PCDH11Y: variants seen among roughly 807,000 people sequenced by gnomAD.
PCDH11Y encodes protocadherin 11 Y-linked, also known as protocadherin-11 Y-linked.
For missense variants in PCDH11Y, 12 were observed against 224.8 expected (o/e 0.05, Z 6.05); for synonymous variants, 9 against 83.6 (o/e 0.11, Z 4.87).
chrY:5,468,656 T>A (rs1602929800), intron 2 of PCDH11Y, among the ~76,000 whole-genome samples: 40 of 26,128 alleles, frequency 1.5e-3, no homozygotes, highest in Admixed American at 6.2e-3. Flanking sequence ...TCACTTTTTT[T>A]AAAAAAAAAA....
intron 4 of PCDH11Y, among the ~76,000 whole-genome samples, chrY:5,587,078 T>C (rs1602947026): frequency 7.9e-4 from 26 of 32,839 alleles, no homozygotes; most frequent in South Asian, 4.0e-3. Flanking sequence ...TAAACTTCCC[T>C]CTAAGTACTG....
At chrY:5,726,334 T>A in intron 4 of PCDH11Y, among the ~76,000 whole-genome samples, 1 of 31,818 alleles carries the variant, frequency 3.1e-5, no homozygotes, top group Non-Finnish European at 7.7e-5. Context: ...ACTGAAGTAC[T>A]GATACATACT....
chrY:5,410,677 C>A, intron 2 of PCDH11Y, among the ~76,000 whole-genome samples: 1 of 25,531 alleles, frequency 3.9e-5, no homozygotes, highest in African/African-American at 1.5e-4. Context: ...TGATCCTGAC[C>A]CTCCCCCGAC....
At chrY:5,344,399 C>G (rs2124669426) in intron 2 of PCDH11Y, among the ~76,000 whole-genome samples, 2 of 32,442 alleles carry the variant, frequency 6.2e-5, no homozygotes, top group South Asian at 1.4e-3. Flanking sequence ...AAACAAGAGG[C>G]TTTTACCCAA....
At chrY:5,373,311 G>A (rs893226654) in intron 2 of PCDH11Y, among the ~76,000 whole-genome samples, 1 of 22,655 alleles carries the variant, frequency 4.4e-5, no homozygotes, top group Non-Finnish European at 9.5e-5. Flanking sequence ...CTCAGCCTCC[G>A]AGTAGCTGGG....
At chrY:5,029,461 T>C (rs2052585153) in intron 1 of PCDH11Y, among the ~76,000 whole-genome samples, 57 of 31,561 alleles carry the variant, frequency 1.8e-3, no homozygotes, top group Non-Finnish European at 2.9e-3. Flanking sequence ...TAAAATTTAT[T>C]TACTCAAACT....
At chrY:5,081,079 A>G in intron 1 of PCDH11Y, among the ~76,000 whole-genome samples, 1 of 30,343 alleles carries the variant, frequency 3.3e-5, no homozygotes, top group Non-Finnish European at 7.8e-5. Context: ...AATTTTCTGC[A>G]TATGGCTAGC....
chrY:5,152,944 T>C (rs2052865289), intron 2 of PCDH11Y, among the ~76,000 whole-genome samples: 1 of 31,855 alleles, frequency 3.1e-5, no homozygotes, highest in Non-Finnish European at 7.7e-5. Context: ...GGTAAGGAAA[T>C]CGAAGCCCAG....
intron 2 of PCDH11Y, among the ~76,000 whole-genome samples, chrY:5,178,722 C>T: frequency 3.1e-5 from 1 of 31,942 alleles, no homozygotes; most frequent in Non-Finnish European, 7.6e-5. Context: ...ATCATCAGAT[C>T]ACCTAGGTAT....
At chrY:5,691,155 T>C (rs2053567340) in intron 4 of PCDH11Y, among the ~76,000 whole-genome samples, 1 of 33,395 alleles carries the variant, frequency 3.0e-5, no homozygotes, top group East Asian at 7.8e-4. Context: ...TCAAACTGTG[T>C]TTGATATGTG....
intron 2 of PCDH11Y, among the ~76,000 whole-genome samples, chrY:5,497,951 C>T (rs2053347369): frequency 6.1e-5 from 2 of 32,878 alleles, no homozygotes; most frequent in Admixed American, 5.7e-4. Context: ...GTGGTGAAAT[C>T]GTAGAGATTC....
intron 2 of PCDH11Y, among the ~76,000 whole-genome samples, chrY:5,343,255 C>CT (rs766252905): frequency 0.045 from 1,155 of 25,496 alleles, no homozygotes; most frequent in South Asian, 0.22. Context: ...ATAATGCAGT[C>CT]TTTTTTTTTT....
chrY:5,554,500 G>A, intron 3 of PCDH11Y, among the ~76,000 whole-genome samples: 1 of 33,306 alleles, frequency 3.0e-5, no homozygotes, highest in Admixed American at 2.7e-4. Context: ...GAGGCTTTAT[G>A]GCAGCCCCTC....
chrY:5,665,549 C>T, intron 4 of PCDH11Y, among the ~76,000 whole-genome samples: 3 of 33,415 alleles, frequency 9.0e-5, no homozygotes, highest in Non-Finnish European at 2.2e-4. Context: ...TCTATACTAT[C>T]AGAGAAGACT....
At chrY:5,554,880 C>T (rs2124694505) in intron 3 of PCDH11Y, among the ~76,000 whole-genome samples, 6 of 33,261 alleles carry the variant, frequency 1.8e-4, no homozygotes, top group South Asian at 6.8e-4. Flanking sequence ...AATGTGGGGT[C>T]GGCACCCACA....
At chrY:5,611,735 A>C (rs1602951172) in intron 4 of PCDH11Y, among the ~76,000 whole-genome samples, 6 of 26,514 alleles carry the variant, frequency 2.3e-4, no homozygotes, top group South Asian at 9.9e-4. Flanking sequence ...TGTTTACCTA[A>C]GCAAGCCTGG....
intron 2 of PCDH11Y, among the ~76,000 whole-genome samples, chrY:5,173,483 G>A: frequency 9.3e-5 from 3 of 32,206 alleles, no homozygotes; most frequent in Non-Finnish European, 1.5e-4. Flanking sequence ...AATAACTGGA[G>A]TGATCAGGAG....
At chrY:5,182,611 C>T (rs2124647147) in intron 2 of PCDH11Y, among the ~76,000 whole-genome samples, 1 of 32,987 alleles carries the variant, frequency 3.0e-5, no homozygotes, top group East Asian at 8.4e-4. Context: ...ATTCATAGTA[C>T]CCTGGCTGGA....
At chrY:5,172,095 TAAAG>T (rs2052887309) in intron 2 of PCDH11Y, among the ~76,000 whole-genome samples, 3 of 33,310 alleles carry the variant, frequency 9.0e-5, no homozygotes, top group African/African-American at 3.5e-4. Flanking sequence ...TTATAACTGT[TAAAG>T]AAAAGCATTA....
Sources: allele counts gnomAD v4.1 joint callset (sites outside exome capture counted in the v4.1 genomes callset), GRCh38; gene constraint gnomAD v4.1.1; transcripts MANE v1.5; gene names NCBI Gene and HGNC (gene_info 2026-07-23, HGNC 2026-07-21).